The following HELT variants were observed in gnomAD, a reference collection of about 807,000 sequenced individuals.
HELT encodes helt bHLH transcription factor, also known as hairy and enhancer of split-related protein HELT.
Under a neutral mutation model 19.5 loss-of-function variants are expected in HELT, and 9 were observed. The observed-to-expected ratio is 0.46, with a 90% CI of 0.28 to 0.80. The LOEUF is 0.80. Ranked by LOEUF, HELT falls within the 30% of genes least tolerant of loss-of-function variation. HELT has a pLI of 0.12. For missense variants in HELT, 366 were observed against 326.3 expected (o/e 1.12, Z -0.94); for synonymous variants, 162 against 148.3 (o/e 1.09, Z -0.67).
Position 185,020,693 on chromosome 4 carries a change from G to T in HELT, c.650G>T (p.Arg217Leu). 6.2e-7 allele frequency: 1 copy of T among 1,603,430 alleles called. No homozygotes were observed. ...PFLTPVQGLD[R>L]HYLNLIGHAH... ...CTGACACCGGTGCAGGGCCTGGACC[G>T]GCATTACCTCAACCTGATCGGCCAC... is the stretch of plus-strand genomic sequence containing the variant. Residue 217 changes from arginine to leucine, a missense_variant, in exon 4 of 4, where the codon CGG becomes CTG. Arg to Leu is a moderately radical substitution (Grantham distance 102). Coordinates refer to ENST00000515777, the MANE Select transcript of HELT (RefSeq NM_001300781.2).
At position 185,020,797 on chromosome 4, in the gene HELT, C is replaced by G. The variant is rs774407391; in HGVS notation, c.*25C>G. ...ACGCCCACTCGCCCGCCAGATTTCT[C>G]CTCGCTTTGGGCGCTTTTAGGAGAA... On this transcript the variant is annotated 3_prime_UTR_variant, in exon 4 of 4. Transcript: ENST00000515777. 3.3e-6 allele frequency: 5 copies of G among 1,501,464 alleles called. No homozygotes were observed. In the East Asian group the frequency reaches 1.2e-4, roughly 36 times the overall value. The allele number at this position is 1,501,464 out of a possible 1,614,324, so 93.0% of individuals were successfully genotyped here.
Position 185,020,400 on chromosome 4 carries a change from C to G in HELT, c.357C>G (p.Leu119=). The change falls in exon 4 of 4, where the codon CTC becomes CTG. Residue 119 remains leucine (L), a synonymous_variant. Transcript: ENST00000515777. ...ETKDTKYARI[L]AFLQSKARLG... is the part of the protein sequence containing the mutation. ...AGGACACGAAGTACGCGCGCATCCT[C>G]GCCTTCTTGCAGTCCAAGGCCCGCC... 1 of 1,614,212 alleles carries G rather than the reference C, an allele frequency of 6.2e-7. No homozygotes were observed. The highest frequency in any genetic ancestry group is 1.3e-5 in the African/African-American group (1 of 75,068).
Position 185,019,468 on chromosome 4 carries a change from G to A in HELT, c.109G>A (p.Val37Met), listed in dbSNP as rs1217927826. Residue 37 changes from valine to methionine, a missense_variant, in exon 2 of 4, where the codon GTG (valine) becomes ATG (methionine). Val to Met is a conservative substitution (Grantham distance 21, BLOSUM62 1). Coordinates refer to ENST00000515777, the MANE Select transcript of HELT (RefSeq NM_001300781.2). ...CTGCTTGAACGAGCTGGGCAAGACAGTGCCCATGGCCTTGGCGAAGCAGGT... is the reference window on the plus strand; with the variant it reads ...CTGCTTGAACGAGCTGGGCAAGACAATGCCCATGGCCTTGGCGAAGCAGGT... The part of the protein sequence containing the change: ...NRCLNELGKT[V>M]PMALAKQSSG... 1.9e-6 allele frequency: 3 copies of A among 1,611,784 alleles called. No individual in the cohort carries two copies. The highest frequency in any genetic ancestry group is 3.3e-5 in the Admixed American group (2 of 59,818).
chr4:185,019,273 C>A (rs1159802198), intron 1 of HELT, 114 bp from the exon 2 acceptor site: 13 of 1,117,922 alleles, frequency 1.2e-5, no homozygotes, highest in Non-Finnish European at 1.7e-5. Flanking sequence ...CTTCCTAGAG[C>A]GAATCTGAGC....
chr4:185,020,323 T>A lies in HELT; in HGVS notation c.280T>A (p.Cys94Ser). 6.2e-7 allele frequency: 1 copy of A among 1,614,092 alleles called. No individual in the cohort carries two copies. Among genetic ancestry groups the A allele is most frequent in the South Asian group, 1.1e-5 (1 of 91,080 alleles). ...CTACTTCCACTATGGCTACCACGAG[T>A]GCATGAAGAACCTGGTGCATTACCT... Reference protein sequence around the residue: ...ANYFHYGYHECMKNLVHYLTT... With the variant: ...ANYFHYGYHESMKNLVHYLTT... The change falls in exon 4 of 4, where the codon TGC becomes AGC. Residue 94 changes from cysteine to serine, a missense_variant. Coordinates refer to ENST00000515777, the MANE Select transcript of HELT (RefSeq NM_001300781.2).
At chr4:185,019,513 C>T (rs1445984694) in intron 2 of HELT, 22 bp downstream of exon 2, 1 of 1,587,918 alleles carries the variant, frequency 6.3e-7, no homozygotes, top group Non-Finnish European at 8.6e-7. Context: ...GACCCGGAGC[C>T]GGGTGCCAGG....
chr4:185,020,644 C>T lies in HELT; in HGVS notation c.601C>T (p.Pro201Ser), dbSNP rs768027767. Residue 201 changes from proline to serine, a missense_variant, in exon 4 of 4, where the codon CCA becomes TCA. Transcript: ENST00000515777. ...CAGCGCGCCAGTGCCGCTCGCTAGC[C>T]CAGCGCAGCAGCACAGCCCCTTCCT... Reference protein sequence around the residue: ...LPSAPVPLASPAQQHSPFLTP... With the variant: ...LPSAPVPLASSAQQHSPFLTP... 10 of 1,603,968 alleles carry T rather than the reference C, an allele frequency of 6.2e-6. No individual in the cohort carries two copies. The highest frequency in any genetic ancestry group is 2.7e-5 in the African/African-American group (2 of 74,742).
chr4:185,020,683 G>A lies in HELT; in HGVS notation c.640G>A (p.Gly214Ser). 6.2e-7 allele frequency: 1 copy of A among 1,603,956 alleles called. No homozygotes were observed. The highest frequency in any genetic ancestry group is 8.5e-7 in the Non-Finnish European group (1 of 1,179,166). ...CAGCCCCTTCCTGACACCGGTGCAG[G>A]GCCTGGACCGGCATTACCTCAACCT... ...QHSPFLTPVQGLDRHYLNLIG... is the reference protein window; with the variant it reads ...QHSPFLTPVQSLDRHYLNLIG... Residue 214 changes from glycine (G) to serine (S), a missense_variant, in exon 4 of 4, where the codon GGC becomes AGC. By Grantham distance (56) the Gly-to-Ser change is moderately conservative. Transcript: ENST00000515777.
Position 185,020,860 on chromosome 4 carries a change from T to C in HELT, c.*88T>C, listed in dbSNP as rs1347706705. The C allele has an allele frequency of 7.1e-7, 1 of 1,408,186 alleles. No individual in the cohort carries two copies. The highest frequency in any genetic ancestry group is 2.6e-5 in the East Asian group (1 of 38,086). The allele number at this position is 1,408,186 out of a possible 1,614,324, so 87.2% of individuals were successfully genotyped here. On this transcript the variant is annotated 3_prime_UTR_variant, in exon 4 of 4. Coordinates refer to ENST00000515777, the MANE Select transcript of HELT (RefSeq NM_001300781.2). ...TTGTACACATAATGTGTAAATATTG[T>C]ACCCCAAAAATCTGGGCTGGGGGAG...
Position 185,020,430 on chromosome 4 carries a change from C to T in HELT, c.387C>T (p.Gly129=), listed in dbSNP as rs144651014. The change falls in exon 4 of 4, where the codon GGC becomes GGT. Residue 129 remains glycine (G), a synonymous_variant. Transcript: ENST00000515777. ...TCTTGCAGTCCAAGGCCCGCCTGGG[C>T]GCGGAGCCCGCCTTTCCGCCGCTGG... The part of the protein sequence containing the change: ...LAFLQSKARL[G]AEPAFPPLGS... The T allele has an allele frequency of 8.7e-6, 14 of 1,614,014 alleles. No individual in the cohort carries two copies. Among genetic ancestry groups the T allele is most frequent in the Non-Finnish European group, 1.1e-5 (13 of 1,180,060 alleles).
Position 185,019,501 on chromosome 4 carries a change from G to A in HELT, c.132+10G>A, listed in dbSNP as rs1312129985. 6.3e-7 allele frequency: 1 copy of A among 1,598,418 alleles called. No individual in the cohort carries two copies. Among genetic ancestry groups the A allele is most frequent in the Admixed American group, 1.7e-5 (1 of 57,940 alleles). On this transcript the variant is annotated intron_variant, in intron 2 of 3. Transcript: ENST00000515777. ...GGCCTTGGCGAAGCAGGTAACGTTG[G>A]CGACCCGGAGCCGGGTGCCAGGCGT... is the stretch of plus-strand genomic sequence containing the variant.
At chr4:185,019,705 C>T in intron 2 of HELT, 42 bp from the exon 3 acceptor site, 1 of 1,612,010 alleles carries the variant, frequency 6.2e-7, no homozygotes, top group Non-Finnish European at 8.5e-7. Flanking sequence ...GCCCGACCAG[C>T]AGGCGCTGGG....
intron 1 of HELT, 86 bp from the exon 2 acceptor site, chr4:185,019,301 A>G (rs1733986109): frequency 8.2e-7 from 1 of 1,212,912 alleles, no homozygotes; most frequent in Non-Finnish European, 1.2e-6. Context: ...GCGGCTGGAG[A>G]GGCGGCTTGC....
Position 185,020,493 on chromosome 4 carries a change from C to T in HELT, c.450C>T (p.His150=). The change falls in exon 4 of 4, where the codon CAC becomes CAT. Residue 150 remains histidine, a synonymous_variant. Coordinates refer to ENST00000515777, the MANE Select transcript of HELT (RefSeq NM_001300781.2). The part of the protein sequence containing the change: ...LPEPDFSYQL[H]PAGPEFAGHS... ...AGCCGGATTTCTCCTATCAGCTGCA[C>T]CCTGCGGGGCCCGAATTCGCTGGTC... The T allele has an allele frequency of 1.9e-6, 3 of 1,612,916 alleles. No homozygotes were observed. The highest frequency in any genetic ancestry group is 2.5e-6 in the Non-Finnish European group (3 of 1,179,928).
rs746506321 is a variant in HELT at position 185,020,675 on chromosome 4, C to T, written c.632C>T (p.Pro211Leu). The change falls in exon 4 of 4, where the codon CCG becomes CTG. Residue 211 changes from proline (P) to leucine (L), a missense_variant. Physicochemically the swap from Pro to Leu is moderately conservative, Grantham distance 98. Transcript: ENST00000515777. ...PAQQHSPFLT[P>L]VQGLDRHYLN... ...CAGCAGCACAGCCCCTTCCTGACAC[C>T]GGTGCAGGGCCTGGACCGGCATTAC... The T allele has an allele frequency of 4.4e-6, 7 of 1,604,424 alleles. No homozygotes were observed. The highest frequency in any genetic ancestry group is 5.9e-6 in the Non-Finnish European group (7 of 1,179,282).
chr4:185,019,172 G>A, intron 1 of HELT: 1 of 1,479,568 alleles, frequency 6.8e-7, no homozygotes, highest in Non-Finnish European at 9.1e-7. Context: ...CCTCCCCAAA[G>A]GCCTGGGTAG....
chr4:185,018,515 G>T lies in HELT; in HGVS notation c.-414G>T, dbSNP rs565228216. On this transcript the variant is annotated 5_prime_UTR_variant, in exon 1 of 4. Coordinates refer to ENST00000515777, the MANE Select transcript of HELT (RefSeq NM_001300781.2). ...CTGCGCCCCTGCGCTCCGCGCCCGC[G>T]ACTGCTGCAGGCGCTTGCTCGCCCG... Among the ~76,000 whole-genome samples the T allele has an allele frequency of 9.4e-4, 143 of 152,140 alleles. No homozygotes were observed. Among genetic ancestry groups the T allele is most frequent in the Non-Finnish European group, 1.6e-3 (109 of 67,974 alleles).
chr4:185,019,209 G>A (rs1733983550), intron 1 of HELT, 178 bp from the exon 2 acceptor site: 3 of 1,325,718 alleles, frequency 2.3e-6, no homozygotes, highest in African/African-American at 1.5e-5. Flanking sequence ...GCGCGCCAGC[G>A]CGGGCGTCAG....
In HELT at chr4:185,020,811, C is replaced by A; in HGVS notation, c.*39C>A. 2 of 1,494,538 alleles carry A rather than the reference C, an allele frequency of 1.3e-6. No individual in the cohort carries two copies. Among genetic ancestry groups the A allele is most frequent in the Non-Finnish European group, 1.8e-6 (2 of 1,130,764 alleles). 92.6% of individuals were successfully genotyped at this position (1,494,538 alleles called of 1,614,324 possible). A position where few individuals can be genotyped will look rare whatever the true frequency, so the allele number is the denominator to read the frequency against. ...GCCAGATTTCTCCTCGCTTTGGGCGCTTTTAGGAGAAATGCTGTATATATT... is the reference window on the plus strand; with the variant it reads ...GCCAGATTTCTCCTCGCTTTGGGCGATTTTAGGAGAAATGCTGTATATATT... On this transcript the variant is annotated 3_prime_UTR_variant, in exon 4 of 4. Coordinates refer to ENST00000515777, the MANE Select transcript of HELT (RefSeq NM_001300781.2).
Sources: gnomAD v4.1 joint callset for allele counts (sites outside exome capture counted in the v4.1 genomes callset) on GRCh38, gnomAD v4.1.1 for gene constraint, MANE v1.5 for transcripts, NCBI Gene and HGNC (gene_info 2026-07-23, HGNC 2026-07-21) for gene names.